ATP1A3: variants seen among roughly 807,000 people sequenced by gnomAD.
ATP1A3 encodes sodium/potassium-transporting ATPase subunit alpha-3.
A neutral mutation model predicts 108.8 loss-of-function variants in ATP1A3; 12 were observed. The observed-to-expected ratio is 0.11, with a 90% confidence interval of 0.07 to 0.18. ATP1A3 has a LOEUF of 0.18. ATP1A3 is among the 10% of genes least tolerant of loss of function. ATP1A3 has a pLI of 1.00. For missense variants in ATP1A3, 498 were observed against 1,387.7 expected (o/e 0.36, Z 10.19); for synonymous variants, 539 against 564.5 (o/e 0.95, Z 0.64).
chr19:41,986,390 C>A, intron 4 of ATP1A3, 161 bp from the exon 5 acceptor site: 1 of 623,552 alleles, frequency 1.6e-6, no homozygotes, highest in Non-Finnish European at 2.8e-6. Context: ...CTGAGTCTCC[C>A]CTGTTTGTGC....
Position 41,994,227 on chromosome 19 carries a change from G to C in ATP1A3, c.-151C>G, listed in dbSNP as rs1170272113. On this transcript the variant is annotated 5_prime_UTR_variant, in exon 1 of 23. Coordinates refer to ENST00000648268, the MANE Select transcript of ATP1A3 (RefSeq NM_152296.5). ...CCGTCCGTTGGTCCCACCGCACAGA[G>C]GCTGCGGCGGCCGCCGCCTCCGCCT... is the stretch of plus-strand genomic sequence containing the variant. 2.9e-6 allele frequency: 2 copies of C among 690,634 alleles called. No homozygotes were observed. Among genetic ancestry groups the C allele is most frequent in the African/African-American group, 3.8e-5 (2 of 52,230 alleles). The allele number at this position is 690,634 out of a possible 1,614,324, so 42.8% of individuals were successfully genotyped here. A position where few individuals can be genotyped will look rare whatever the true frequency, so the allele number is the denominator to read the frequency against.
chr19:41,970,818 G>C (rs1017911083), intron 16 of ATP1A3, among the ~76,000 whole-genome samples: 18 of 151,348 alleles, frequency 1.2e-4, no homozygotes, highest in Admixed American at 1.1e-3. Flanking sequence ...ATTTTTATTA[G>C]AGACGGGGTT....
At position 41,978,579 on chromosome 19, in the gene ATP1A3, C is replaced by A; in HGVS notation, c.1630+27G>T. 2 of 1,610,844 alleles carry A rather than the reference C, an allele frequency of 1.2e-6. No individual in the cohort carries two copies. The highest frequency in any genetic ancestry group is 1.1e-5 in the South Asian group (1 of 91,046). On this transcript the variant is annotated intron_variant, in intron 12 of 22. Transcript: ENST00000648268. This position sits in a 1 kb window ranked among gnomAD's most constrained non-coding sequence, Gnocchi z 8.3. ...ACAACCCTCCTTGCCCTCCAGGGAC[C>A]CCAGAGCCCGCCCGGCAGCCTCGCA...
At chr19:41,975,537 C>T in intron 16 of ATP1A3, 92 bp downstream of exon 16, 1 of 1,557,506 alleles carries the variant, frequency 6.4e-7, no homozygotes, top group Non-Finnish European at 8.8e-7. Flanking sequence ...GTCTCTGCCA[C>T]ACATCCCCCT....
chr19:41,978,069 T>G lies in ATP1A3; in HGVS notation c.1810A>C (p.Ile604Leu). Reference sequence around the variant, plus strand: ...ATGGGGTGATCGCCGGTGACCATGATGACCTGCAGGCATTGTTTTTTAGGG... The same window carrying G: ...ATGGGGTGATCGCCGGTGACCATGAGGACCTGCAGGCATTGTTTTTTAGGG... ...GKCRSAGIKV[I>L]MVTGDHPITA... The change falls in exon 14 of 23, where the codon ATC becomes CTC. Residue 604 changes from isoleucine (I) to leucine (L), a missense_variant. Physicochemically the swap from Ile to Leu is conservative, Grantham distance 5 (BLOSUM62 2). Coordinates refer to ENST00000648268, the MANE Select transcript of ATP1A3 (RefSeq NM_152296.5). The surrounding 1 kb of genome is among the most constrained non-coding windows in gnomAD (Gnocchi z 8.3). 6.2e-7 allele frequency: 1 copy of G among 1,614,238 alleles called. No individual in the cohort carries two copies. Among genetic ancestry groups the G allele is most frequent in the East Asian group, 2.2e-5 (1 of 44,884 alleles).
In ATP1A3 at chr19:41,970,385, C is replaced by T. The variant is rs782778060; in HGVS notation, c.2418+3G>A. 65 of 1,614,098 alleles carry T rather than the reference C, an allele frequency of 4.0e-5. No homozygotes were observed. The Middle Eastern group carries it at 4.9e-4, about 12-fold the overall frequency. ...GGCCCCAAGGGTGGCTGCCAGGGCT[C>T]ACCATGTCAGTGCCCAGATCGATGC... On this transcript the variant is annotated splice_donor_region_variant and intron_variant, in intron 17 of 22. Transcript: ENST00000648268.
At chr19:41,982,267 C>G (rs1555863812) in intron 8 of ATP1A3, among the ~76,000 whole-genome samples, 161 bp from the exon 9 acceptor site, 1 of 152,084 alleles carries the variant, frequency 6.6e-6, no homozygotes, top group Non-Finnish European at 1.5e-5. Flanking sequence ...CAATTCAGAC[C>G]AATAGAAACA....
At chr19:41,989,357 C>T (rs1317759275) in intron 1 of ATP1A3, among the ~76,000 whole-genome samples, 4 of 137,856 alleles carry the variant, frequency 2.9e-5, no homozygotes, top group East Asian at 2.2e-4. Flanking sequence ...CTCGCTTAGT[C>T]GCCTAGGCTG....
chr19:41,988,098 A>G lies in ATP1A3; in HGVS notation c.195T>C (p.Asp65=). 1 of 1,614,126 alleles carries G rather than the reference A, an allele frequency of 6.2e-7. No individual in the cohort carries two copies. Among genetic ancestry groups the G allele is most frequent in the Non-Finnish European group, 8.5e-7 (1 of 1,180,012 alleles). Residue 65 remains aspartate, a synonymous_variant, in exon 4 of 23, where the codon GAT becomes GAC. Coordinates refer to ENST00000648268, the MANE Select transcript of ATP1A3 (RefSeq NM_152296.5). The surrounding 1 kb of genome is among the most constrained non-coding windows in gnomAD (Gnocchi z 5.3). Reference sequence around the variant, plus strand: ...GCGGTGGCGTGAGTGCGTTAGGCCCATCCCGGGCCAGGATCTCCTGGGCTT... The same window carrying G: ...GCGGTGGCGTGAGTGCGTTAGGCCCGTCCCGGGCCAGGATCTCCTGGGCTT... ...HSKAQEILAR[D]GPNALTPPPT...
rs1204234746 is a variant in ATP1A3 at position 41,969,567 on chromosome 19, A to G, written c.2556T>C (p.Ala852=). ...MAYGQIGMIQ[A]LGGFFSYFVI... The stretch of plus-strand genomic sequence containing the variant: ...CAAAGTAAGAGAAGAAGCCACCGAG[A>G]GCCTGGATCATTCCTGGAAGGAGGA... The change falls in exon 19 of 23, where the codon GCT becomes GCC. Residue 852 remains alanine (A), a synonymous_variant. Coordinates refer to ENST00000648268, the MANE Select transcript of ATP1A3 (RefSeq NM_152296.5). 1 of 1,613,762 alleles carries G rather than the reference A, an allele frequency of 6.2e-7. No homozygotes were observed. Among genetic ancestry groups the G allele is most frequent in the Non-Finnish European group, 8.5e-7 (1 of 1,180,022 alleles).
In ATP1A3 at chr19:41,967,203, C is replaced by T. The variant is rs371792461; in HGVS notation, c.3013+46G>A. 14 of 1,612,986 alleles carry T rather than the reference C, an allele frequency of 8.7e-6. No homozygotes were observed. The African/African-American group carries it at 1.9e-4, about 22-fold the overall frequency. ...GAGCCTGGGACCAGCTGCCTGAGAC[C>T]CTGCTGCCCCCCGCCCCCCTCGGCT... On this transcript the variant is annotated intron_variant, in intron 22 of 22. Coordinates refer to ENST00000648268, the MANE Select transcript of ATP1A3 (RefSeq NM_152296.5). This position sits in a 1 kb window ranked among gnomAD's most constrained non-coding sequence, Gnocchi z 4.2.
chr19:41,991,391 C>G (rs1460274802), intron 1 of ATP1A3, among the ~76,000 whole-genome samples: 7 of 152,190 alleles, frequency 4.6e-5, no homozygotes, highest in African/African-American at 9.7e-5. Context: ...CACGCCAGCC[C>G]TGCAGCAGCA....
At chr19:41,993,958 C>T (rs2075363968) in intron 1 of ATP1A3, 113 bp downstream of exon 1, 24 of 1,547,504 alleles carry the variant, frequency 1.6e-5, no homozygotes, top group Non-Finnish European at 2.1e-5. Flanking sequence ...CCGGGTCTCG[C>T]AGGCCTGGCC....
At chr19:41,993,855 T>A in intron 1 of ATP1A3, 2 of 865,726 alleles carry the variant, frequency 2.3e-6, no homozygotes, top group Non-Finnish European at 3.5e-6. Flanking sequence ...CTCGCGGATC[T>A]CCGCACACAA....
At chr19:41,977,904 G>A (rs1254625272) in intron 14 of ATP1A3, 32 bp downstream of exon 14, 7 of 1,613,060 alleles carry the variant, frequency 4.3e-6, no homozygotes, top group Admixed American at 3.3e-5. Context: ...CTAGAGGGAT[G>A]TCCAGGGCCC....
rs983430239 is a variant in ATP1A3, at chr19:41,988,955, C to T, written c.7-393G>A. On this transcript the variant is annotated intron_variant, in intron 1 of 22. Coordinates refer to ENST00000648268, the MANE Select transcript of ATP1A3 (RefSeq NM_152296.5). The surrounding 1 kb of genome is among the most constrained non-coding windows in gnomAD (Gnocchi z 5.3). ...TTCTGTGTCTATGTGACTTTGTTTT[C>T]GTTTTTTGAAACAATGTCTCACTCT... is the stretch of plus-strand genomic sequence containing the variant. Among the ~76,000 whole-genome samples, 6 of 152,070 alleles carry T rather than the reference C, an allele frequency of 3.9e-5. No individual in the cohort carries two copies. Among genetic ancestry groups the T allele is most frequent in the Non-Finnish European group, 5.9e-5 (4 of 68,012 alleles).
At position 41,970,435 on chromosome 19, in the gene ATP1A3, G is replaced by A. The variant is rs1599706459; in HGVS notation, c.2371C>T (p.Pro791Ser). The change falls in exon 17 of 23, where the codon CCC (proline) becomes TCC (serine). Residue 791 changes from proline (P) to serine (S), a missense_variant. Physicochemically the swap from Pro to Ser is moderately conservative, Grantham distance 74. Transcript: ENST00000648268. The stretch of plus-strand genomic sequence containing the variant: ...CAGAGGATGGTGATGGTGCCCAGGG[G>A]CAGCGGGATGTTGGCCATGATGAAC... ...LLFIMANIPL[P>S]LGTITILCID... 6.2e-7 allele frequency: 1 copy of A among 1,614,168 alleles called. No homozygotes were observed. The highest frequency in any genetic ancestry group is 8.5e-7 in the Non-Finnish European group (1 of 1,180,028).
At position 41,967,808 on chromosome 19, in the gene ATP1A3, C is replaced by T; in HGVS notation, c.2820-45G>A. ...GGGCTGGGCCCAGAGAGCACCCACCCTGCACCTGCCACCCCGCAGAGACAG... is the reference window on the plus strand; with the variant it reads ...GGGCTGGGCCCAGAGAGCACCCACCTTGCACCTGCCACCCCGCAGAGACAG... On this transcript the variant is annotated intron_variant, in intron 20 of 22. Coordinates refer to ENST00000648268, the MANE Select transcript of ATP1A3 (RefSeq NM_152296.5). This position sits in a 1 kb window ranked among gnomAD's most constrained non-coding sequence, Gnocchi z 4.2. 8 of 1,566,510 alleles carry T rather than the reference C, an allele frequency of 5.1e-6. No individual in the cohort carries two copies. Among genetic ancestry groups the T allele is most frequent in the Non-Finnish European group, 7.0e-6 (8 of 1,141,612 alleles).
chr19:41,969,550 G>A lies in ATP1A3; in HGVS notation c.2573C>T (p.Ser858Phe). 6.2e-7 allele frequency: 1 copy of A among 1,613,262 alleles called. No homozygotes were observed. Among genetic ancestry groups the A allele is most frequent in the Non-Finnish European group, 8.5e-7 (1 of 1,179,700 alleles). ...ATTTTCTGCCAGGATCACAAAGTAAGAGAAGAAGCCACCGAGAGCCTGGAT... is the reference window on the plus strand; with the variant it reads ...ATTTTCTGCCAGGATCACAAAGTAAAAGAAGAAGCCACCGAGAGCCTGGAT... ...GMIQALGGFF[S>F]YFVILAENGF... is the part of the protein sequence containing the mutation. Residue 858 changes from serine to phenylalanine, a missense_variant, in exon 19 of 23, where the codon TCT becomes TTT. This residue lies in a region of ATP1A3 where 121 missense variants were observed against 425.1 expected (regional missense o/e 0.28). Transcript: ENST00000648268.
Sources: gnomAD v4.1 joint callset for allele counts (sites outside exome capture counted in the v4.1 genomes callset) on GRCh38, gnomAD v4.1.1 for gene constraint, gnomAD v4.1.1 regional missense constraint, Gnocchi (gnomAD v3.1) non-coding constraint, MANE v1.5 for transcripts, NCBI Gene and HGNC (gene_info 2026-07-23, HGNC 2026-07-21) for gene names.